KALRN: variants seen among roughly 807,000 people sequenced by gnomAD.
KALRN encodes the protein kalirin.
Under a neutral mutation model 353.7 loss-of-function variants are expected in KALRN, and 70 were observed. The ratio of observed to expected loss-of-function variants is 0.20; its 90% confidence interval spans 0.16 to 0.24. The LOEUF (loss-of-function observed/expected upper bound fraction) is 0.24, where lower values mean the gene tolerates loss of function less well. KALRN is among the 10% of genes least tolerant of loss of function. The pLI is 1.00. For missense variants in KALRN, 2,791 were observed against 3,756.7 expected (o/e 0.74, Z 6.72); for synonymous variants, 1,391 against 1,434.8 (o/e 0.97, Z 0.69).
At chr3:124,303,000 G>A (rs528157523) in intron 6 of KALRN, among the ~76,000 whole-genome samples, 1 of 152,144 alleles carries the variant, frequency 6.6e-6, no homozygotes, top group Non-Finnish European at 1.5e-5. Flanking sequence ...TTGGGGGTTA[G>A]AACTTCAACA....
intron 1 of KALRN, among the ~76,000 whole-genome samples, chr3:124,083,004 G>C (rs1428707798): frequency 6.6e-6 from 1 of 152,232 alleles, no homozygotes; most frequent in Non-Finnish European, 1.5e-5. Flanking sequence ...CCTTGGGCAG[G>C]GTTACACCCA....
chr3:124,577,081 C>A (rs68134893), intron 34 of KALRN, among the ~76,000 whole-genome samples: 1 of 152,080 alleles, frequency 6.6e-6, no homozygotes, highest in Admixed American at 6.6e-5. Flanking sequence ...GCCAGCAGTT[C>A]TTCCTCTCTG....
At chr3:124,550,531 C>T (rs186826506) in intron 33 of KALRN, among the ~76,000 whole-genome samples, 37 of 152,210 alleles carry the variant, frequency 2.4e-4, no homozygotes, top group Admixed American at 2.4e-3. Context: ...GTTGCCCTAG[C>T]CAGTGTAGTA....
intron 7 of KALRN, 69 bp from the exon 8 acceptor site, chr3:124,329,792 C>G: frequency 1.3e-6 from 2 of 1,545,622 alleles, no homozygotes; most frequent in South Asian, 1.2e-5. Context: ...ATCTGACCCT[C>G]TCTCCATAAT....
chr3:124,620,722 G>T (rs1425882761), intron 34 of KALRN, among the ~76,000 whole-genome samples: 1 of 152,200 alleles, frequency 6.6e-6, no homozygotes, highest in African/African-American at 2.4e-5. Flanking sequence ...CAGTATATCA[G>T]AGCAGCGGCC....
chr3:124,471,611 G>A (rs2060904946), intron 25 of KALRN, among the ~76,000 whole-genome samples: 2 of 152,082 alleles, frequency 1.3e-5, no homozygotes, highest in Non-Finnish European at 2.9e-5. Flanking sequence ...TGTGAATGCT[G>A]ATTCTTTAAC....
chr3:124,232,066 A>G (rs1370644496), intron 2 of KALRN, among the ~76,000 whole-genome samples: 4 of 152,134 alleles, frequency 2.6e-5, no homozygotes, highest in Non-Finnish European at 4.4e-5. Context: ...GAGAGGATGG[A>G]TATGAGAGGA....
intron 6 of KALRN, among the ~76,000 whole-genome samples, chr3:124,323,249 C>T (rs1304706420): frequency 1.3e-5 from 2 of 152,180 alleles, no homozygotes; most frequent in Non-Finnish European, 2.9e-5. Context: ...TGCGGGGAGC[C>T]TCTTCCCAAC....
At chr3:124,403,449 T>C (rs2091123084) in intron 13 of KALRN, among the ~76,000 whole-genome samples, 3 of 152,228 alleles carry the variant, frequency 2.0e-5, no homozygotes, top group African/African-American at 7.2e-5. Flanking sequence ...GCCACCTTTA[T>C]GGTTTTTCTT....
At chr3:124,370,789 C>G (rs1260885782) in intron 10 of KALRN, among the ~76,000 whole-genome samples, 1 of 152,178 alleles carries the variant, frequency 6.6e-6, no homozygotes, top group Non-Finnish European at 1.5e-5. Flanking sequence ...ATTTGCTCTA[C>G]TTTAATTTTT....
intron 1 of KALRN, among the ~76,000 whole-genome samples, chr3:124,108,748 A>C (rs779162139): frequency 2.0e-5 from 3 of 152,172 alleles, no homozygotes; most frequent in Non-Finnish European, 2.9e-5. Context: ...AGCAAATATT[A>C]ATCTTATTTT....
chr3:124,289,120 G>A (rs1355705773), intron 5 of KALRN, among the ~76,000 whole-genome samples: 1 of 152,116 alleles, frequency 6.6e-6, no homozygotes, highest in African/African-American at 2.4e-5. Flanking sequence ...GTTGAGACAG[G>A]GCAAGTGTGC....
Position 124,392,936 on chromosome 3 carries a change from C to A in KALRN, c.1963-2199C>A, listed in dbSNP as rs111497419. 1.1e-4 allele frequency among the ~76,000 whole-genome samples: 13 copies of A among 117,370 alleles called. No homozygotes were observed. In the East Asian group the frequency reaches 1.1e-3, roughly 10 times the overall value. The allele number at this position is 117,370 out of a possible 152,430, so 77.0% of individuals were successfully genotyped here. A position where few individuals can be genotyped will look rare whatever the true frequency, so the allele number is the denominator to read the frequency against. ...ATATCTCCCAATGCTATCCCTCCCC[C>A]CTCCCCCCACCCCACCACAGTCCCC... On this transcript the variant is annotated intron_variant, in intron 11 of 59. Transcript: ENST00000682506.
intron 1 of KALRN, among the ~76,000 whole-genome samples, chr3:124,227,671 T>TG: frequency 4.9e-5 from 1 of 20,446 alleles, no homozygotes; most frequent in African/African-American, 2.2e-4. Context: ...CTGTTTTTTT[T>TG]TTTTTTTTTT....
At chr3:124,156,034 C>T (rs2068933963) in intron 1 of KALRN, among the ~76,000 whole-genome samples, 1 of 152,316 alleles carries the variant, frequency 6.6e-6, no homozygotes, top group African/African-American at 2.4e-5. Flanking sequence ...GGGCCCCATC[C>T]AGCTTAAACT....
At chr3:124,431,894 G>C (rs1336699158) in intron 16 of KALRN, among the ~76,000 whole-genome samples, 1 of 152,140 alleles carries the variant, frequency 6.6e-6, no homozygotes, top group Non-Finnish European at 1.5e-5. Context: ...TATTTTCTTA[G>C]GAACCATTAC....
At chr3:124,375,146 T>C (rs1377798884) in intron 10 of KALRN, among the ~76,000 whole-genome samples, 4 of 152,116 alleles carry the variant, frequency 2.6e-5, no homozygotes, top group Non-Finnish European at 4.4e-5. Flanking sequence ...GTGGAGATTA[T>C]GTTATCAAAT....
chr3:124,318,385 A>T (rs1426057733), intron 6 of KALRN, among the ~76,000 whole-genome samples: 1 of 152,130 alleles, frequency 6.6e-6, no homozygotes, highest in Admixed American at 6.5e-5. Flanking sequence ...ATCACATCTC[A>T]TAGCTATTGT....
At chr3:124,254,422 C>CAAAA (rs35522040) in intron 3 of KALRN, among the ~76,000 whole-genome samples, 2 of 121,264 alleles carry the variant, frequency 1.6e-5, no homozygotes, top group South Asian at 2.7e-4. Context: ...ATCTATGAAG[C>CAAAA]AAAAAAAAAA....
Sources: allele counts gnomAD v4.1 joint callset (sites outside exome capture counted in the v4.1 genomes callset), GRCh38; gene constraint gnomAD v4.1.1; transcripts MANE v1.5; gene names NCBI Gene and HGNC (gene_info 2026-07-23, HGNC 2026-07-21).